Variants in VPS13B observed in about 807,000 individuals in gnomAD.
VPS13B encodes the protein vacuolar protein sorting 13 homolog B, also known as intermembrane lipid transfer protein VPS13B.
In VPS13B, 285 loss-of-function variants were observed where a neutral mutation model predicts 426.4. That is an observed-to-expected ratio of 0.67 (90% CI 0.61 to 0.74). VPS13B has a LOEUF of 0.74. Ranked by LOEUF, VPS13B falls within the 30% of genes least tolerant of loss-of-function variation. The pLI is 0.00. For synonymous variants in VPS13B, 1,676 were observed against 1,676.4 expected (o/e 1.00, Z 0.01); for missense variants, 4,537 against 4,782.6 (o/e 0.95, Z 1.51).
chr8:99,667,873 C>CT (rs1360503082), intron 35 of VPS13B, among the ~76,000 whole-genome samples: 1 of 152,054 alleles, frequency 6.6e-6, no homozygotes, highest in Non-Finnish European at 1.5e-5. Context: ...TTTTTTCCAG[C>CT]TCTTAGGGAA....
intron 17 of VPS13B, among the ~76,000 whole-genome samples, chr8:99,226,231 C>T (rs1193506763): frequency 6.6e-6 from 1 of 152,176 alleles, no homozygotes; most frequent in African/African-American, 2.4e-5. Context: ...GTTGCACATG[C>T]TACTGCATCT....
intron 33 of VPS13B, among the ~76,000 whole-genome samples, chr8:99,591,673 A>G (rs185767385): frequency 1.2e-4 from 19 of 152,084 alleles, no homozygotes; most frequent in Non-Finnish European, 8.8e-5. Context: ...AATGTTGAAT[A>G]TTGGCCCCCA....
intron 27 of VPS13B, among the ~76,000 whole-genome samples, chr8:99,505,829 A>G (rs1411727594): frequency 2.6e-5 from 4 of 152,184 alleles, no homozygotes; most frequent in Admixed American, 2.6e-4. Flanking sequence ...AGCAAAGCCC[A>G]TAAAACCGAG....
chr8:99,712,805 T>C (rs1241092031), intron 36 of VPS13B, among the ~76,000 whole-genome samples: 48 of 152,080 alleles, frequency 3.2e-4, no homozygotes, highest in Admixed American at 3.1e-3. Context: ...AGGAAAGTGT[T>C]TTTCTATATT....
At chr8:99,422,092 A>T (rs774911735) in intron 21 of VPS13B, among the ~76,000 whole-genome samples, 4 of 152,148 alleles carry the variant, frequency 2.6e-5, no homozygotes, top group Non-Finnish European at 5.9e-5. Flanking sequence ...ACAGAGTTTT[A>T]TGTAGTAGAC....
At chr8:99,690,410 A>G (rs1460129384) in intron 35 of VPS13B, among the ~76,000 whole-genome samples, 1 of 152,206 alleles carries the variant, frequency 6.6e-6, no homozygotes, top group Non-Finnish European at 1.5e-5. Context: ...GTTTCTTGGT[A>G]TGACACCAAA....
chr8:99,478,052 C>G (rs1316478872), intron 24 of VPS13B, among the ~76,000 whole-genome samples: 1 of 150,438 alleles, frequency 6.6e-6, no homozygotes, highest in Admixed American at 6.6e-5. Flanking sequence ...AGTTTGAGAC[C>G]ACTTGAGCAA....
At chr8:99,503,418 T>C (rs1821342206) in intron 27 of VPS13B, among the ~76,000 whole-genome samples, 1 of 152,206 alleles carries the variant, frequency 6.6e-6, no homozygotes, top group African/African-American at 2.4e-5. Context: ...TGATGTCATT[T>C]GCCACATGGA....
At chr8:99,453,348 T>A (rs995143865) in intron 23 of VPS13B, among the ~76,000 whole-genome samples, 5 of 152,216 alleles carry the variant, frequency 3.3e-5, no homozygotes, top group Non-Finnish European at 5.9e-5. Context: ...GCAAATAGGA[T>A]TCCTTGGGGA....
intron 21 of VPS13B, among the ~76,000 whole-genome samples, chr8:99,408,499 T>C (rs932069180): frequency 2.0e-5 from 3 of 152,172 alleles, no homozygotes; most frequent in African/African-American, 7.2e-5. Context: ...GTGGATTAGG[T>C]ATTTATTGAA....
At chr8:99,701,465 A>C (rs1832278005) in intron 36 of VPS13B, among the ~76,000 whole-genome samples, 1 of 152,140 alleles carries the variant, frequency 6.6e-6, no homozygotes, top group Non-Finnish European at 1.5e-5. Context: ...TCCATGTTTA[A>C]TGATGTCTGT....
intron 21 of VPS13B, among the ~76,000 whole-genome samples, chr8:99,430,740 G>A (rs1200984175): frequency 6.8e-6 from 1 of 147,022 alleles, no homozygotes; most frequent in Admixed American, 6.8e-5. Flanking sequence ...TGTTGAGACA[G>A]TGTCTCACTC....
chr8:99,536,430 T>C (rs1823227570), intron 30 of VPS13B, among the ~76,000 whole-genome samples: 1 of 152,228 alleles, frequency 6.6e-6, no homozygotes, highest in African/African-American at 2.4e-5. Context: ...ATTCATTAGA[T>C]AAATTCCTAG....
chr8:99,257,148 A>G (rs1817787713), intron 17 of VPS13B, among the ~76,000 whole-genome samples: 1 of 152,206 alleles, frequency 6.6e-6, no homozygotes. Context: ...TAGGATGAAA[A>G]TCTAGTGGGC....
At chr8:99,765,675 G>A (rs903949464) in intron 39 of VPS13B, among the ~76,000 whole-genome samples, 9 of 152,240 alleles carry the variant, frequency 5.9e-5, no homozygotes, top group African/African-American at 1.7e-4. Flanking sequence ...ATTTGGCACA[G>A]TTGAGGAACT....
intron 15 of VPS13B, 132 bp from the exon 16 acceptor site, chr8:99,169,907 G>A: frequency 9.3e-7 from 1 of 1,075,796 alleles, no homozygotes; most frequent in Non-Finnish European, 1.4e-6. Flanking sequence ...TGATCGTTTG[G>A]GAAGTGGAAA....
At chr8:99,435,165 G>A (rs1817306552) in intron 22 of VPS13B, among the ~76,000 whole-genome samples, 1 of 152,104 alleles carries the variant, frequency 6.6e-6, no homozygotes. Flanking sequence ...ATTATCCTAG[G>A]TAAGTATTTA....
intron 28 of VPS13B, among the ~76,000 whole-genome samples, chr8:99,508,572 C>A (rs1473435218): frequency 6.6e-6 from 1 of 152,014 alleles, no homozygotes; most frequent in Non-Finnish European, 1.5e-5. Context: ...AGTCTTTAAT[C>A]TTTAGTGCAG....
chr8:99,616,305 G>A (rs1474376475), intron 33 of VPS13B, among the ~76,000 whole-genome samples: 2 of 151,894 alleles, frequency 1.3e-5, no homozygotes, highest in South Asian at 2.1e-4. Flanking sequence ...CTACCTAGAT[G>A]GATAATTTTT....
Sources: gnomAD v4.1 joint callset for allele counts (sites outside exome capture counted in the v4.1 genomes callset) on GRCh38, gnomAD v4.1.1 for gene constraint, MANE v1.5 for transcripts, NCBI Gene and HGNC (gene_info 2026-07-23, HGNC 2026-07-21) for gene names.